Variants in FHIT observed in about 807,000 individuals in gnomAD.
The protein encoded by FHIT is bis(5'-adenosyl)-triphosphatase.
A neutral mutation model predicts 17.9 loss-of-function variants in FHIT; 19 were observed. The ratio of observed to expected loss-of-function variants is 1.06; its 90% CI spans 0.74 to 1.56. FHIT has a LOEUF of 1.56. Among genes scored for constraint, FHIT ranks in the 40% most tolerant of loss-of-function variants. The pLI, the probability that FHIT is intolerant of heterozygous loss-of-function variation, is 0.00. For synonymous variants in FHIT, 81 were observed against 69.7 expected (o/e 1.16, Z -0.81); for missense variants, 248 against 189.2 (o/e 1.31, Z -1.82).
In FHIT at chr3:60,884,698, C is replaced by G. The variant is rs562335019; in HGVS notation, c.-110-62687G>C. ...TCTGGAATCCCAGCAATTTGGGAGG[C>G]TGAGGGAGGATTATTTGAGCCCAGG... is the stretch of plus-strand genomic sequence containing the variant. On this transcript the variant is annotated intron_variant, in intron 3 of 9. Transcript: ENST00000492590. Among the ~76,000 whole-genome samples the G allele has an allele frequency of 1.9e-3, 288 of 151,820 alleles. 2 individuals carry two copies. In the South Asian group the frequency reaches 0.024, roughly 13 times the overall value.
intron 5 of FHIT, among the ~76,000 whole-genome samples, chr3:60,225,396 G>A (rs548461551): frequency 6.6e-6 from 1 of 152,218 alleles, no homozygotes; most frequent in South Asian, 2.1e-4. Context: ...CCAAGTGCTG[G>A]AGGAAAGAAG....
intron 3 of FHIT, among the ~76,000 whole-genome samples, chr3:61,013,302 T>A (rs2031902643): frequency 6.6e-6 from 1 of 152,218 alleles, no homozygotes; most frequent in Admixed American, 6.5e-5. Flanking sequence ...GAAATTGGAT[T>A]TCTGAATAGC....
At chr3:60,392,091 A>G (rs1313073871) in intron 5 of FHIT, among the ~76,000 whole-genome samples, 1 of 152,314 alleles carries the variant, frequency 6.6e-6, no homozygotes, top group Non-Finnish European at 1.5e-5. Context: ...CCAAAATCCT[A>G]TGCATAGATT....
intron 4 of FHIT, among the ~76,000 whole-genome samples, chr3:60,705,677 C>T (rs1276542195): frequency 6.6e-6 from 1 of 152,172 alleles, no homozygotes; most frequent in Non-Finnish European, 1.5e-5. Flanking sequence ...GAACATACTC[C>T]TGTAGGTGTA....
intron 4 of FHIT, among the ~76,000 whole-genome samples, chr3:60,648,587 G>A (rs541178103): frequency 2.0e-4 from 30 of 152,150 alleles, no homozygotes; most frequent in Non-Finnish European, 3.8e-4. Flanking sequence ...AAACAGGAAG[G>A]GGGGCACTTA....
chr3:60,948,623 G>T (rs1442479889), intron 3 of FHIT, among the ~76,000 whole-genome samples: 1 of 152,184 alleles, frequency 6.6e-6, no homozygotes, highest in East Asian at 1.9e-4. Flanking sequence ...GTCCATCTCA[G>T]CTACTAAGGA....
At chr3:60,190,699 G>A (rs530263433) in intron 5 of FHIT, among the ~76,000 whole-genome samples, 33 of 152,070 alleles carry the variant, frequency 2.2e-4, no homozygotes, top group Non-Finnish European at 4.0e-4. Context: ...CACCAGCATG[G>A]CACATGTATA....
At chr3:60,557,116 G>A (rs1422816703) in intron 4 of FHIT, among the ~76,000 whole-genome samples, 1 of 152,184 alleles carries the variant, frequency 6.6e-6, no homozygotes, top group Non-Finnish European at 1.5e-5. Context: ...AATGCTTTAT[G>A]TAAATATCTC....
chr3:61,119,985 A>G (rs986910983), intron 2 of FHIT, among the ~76,000 whole-genome samples: 5 of 152,222 alleles, frequency 3.3e-5, no homozygotes, highest in African/African-American at 9.6e-5. Flanking sequence ...TTAATTCCTC[A>G]TAATAAATCT....
intron 8 of FHIT, among the ~76,000 whole-genome samples, chr3:59,854,585 C>G (rs1271730817): frequency 1.3e-5 from 2 of 152,186 alleles, no homozygotes; most frequent in African/African-American, 2.4e-5. Context: ...AGTCCAAGCA[C>G]AGTGCAGGGC....
intron 5 of FHIT, among the ~76,000 whole-genome samples, chr3:60,182,574 T>C (rs894370452): frequency 3.3e-5 from 5 of 152,026 alleles, no homozygotes; most frequent in Non-Finnish European, 7.4e-5. Flanking sequence ...CCCCAGAGTT[T>C]TGAGACCAGC....
At chr3:61,044,318 A>T (rs531788886) in intron 2 of FHIT, among the ~76,000 whole-genome samples, 1 of 152,332 alleles carries the variant, frequency 6.6e-6, no homozygotes, top group South Asian at 2.1e-4. Context: ...ACCATGGCTC[A>T]AGAACTACAT....
intron 1 of FHIT, among the ~76,000 whole-genome samples, chr3:61,235,732 T>C (rs539986076): frequency 8.9e-4 from 135 of 152,256 alleles, no homozygotes; most frequent in Admixed American, 3.2e-3. Flanking sequence ...TGGATACAGA[T>C]ACTTGACTTT....
chr3:60,577,124 A>G (rs1553657889), intron 4 of FHIT, among the ~76,000 whole-genome samples: 4 of 152,130 alleles, frequency 2.6e-5, no homozygotes, highest in African/African-American at 9.7e-5. Flanking sequence ...AACACCCCTC[A>G]TTGATCAACA....
intron 8 of FHIT, among the ~76,000 whole-genome samples, chr3:59,813,198 TC>T (rs1392912973): frequency 6.6e-6 from 1 of 152,218 alleles, no homozygotes; most frequent in Non-Finnish European, 1.5e-5. Context: ...AGCACCTTAC[TC>T]CCTAGGCTTA....
At chr3:59,845,639 CACTCTGT>C (rs1020481161) in intron 8 of FHIT, among the ~76,000 whole-genome samples, 1 of 152,110 alleles carries the variant, frequency 6.6e-6, no homozygotes, top group African/African-American at 2.4e-5. Context: ...TCAGAGAAGA[CACTCTGT>C]ACAATGTCTG....
intron 3 of FHIT, among the ~76,000 whole-genome samples, chr3:60,883,659 T>A (rs541024455): frequency 2.0e-5 from 3 of 152,048 alleles, no homozygotes; most frequent in Admixed American, 6.6e-5. Flanking sequence ...TGGATATCCA[T>A]ATGCAGAAAA....
At position 59,921,664 on chromosome 3, in the gene FHIT, T is replaced by A. The variant is rs984591439; in HGVS notation, c.348+682A>T. Among the ~76,000 whole-genome samples the A allele has an allele frequency of 4.1e-4, 63 of 152,028 alleles. 2 individuals are homozygous for A. On this transcript the variant is annotated intron_variant, in intron 8 of 9. Coordinates refer to ENST00000492590, the MANE Select transcript of FHIT (RefSeq NM_002012.4). ...AAACAGGTAAATTGAAATCACCTTATAACAGCCTGATCCATGACAGGCTGT... is the reference window on the plus strand; with the variant it reads ...AAACAGGTAAATTGAAATCACCTTAAAACAGCCTGATCCATGACAGGCTGT...
chr3:61,188,122 G>A (rs367557251), intron 2 of FHIT, among the ~76,000 whole-genome samples: 20 of 152,016 alleles, frequency 1.3e-4, no homozygotes, highest in East Asian at 7.7e-4. Context: ...AAAACCCTTC[G>A]AAAAATTAAT....
Sources: gnomAD v4.1 joint callset for allele counts (sites outside exome capture counted in the v4.1 genomes callset) on GRCh38, gnomAD v4.1.1 for gene constraint, MANE v1.5 for transcripts, NCBI Gene and HGNC (gene_info 2026-07-23, HGNC 2026-07-21) for gene names.